STPG2: variants seen among roughly 807,000 people sequenced by gnomAD.
The protein encoded by STPG2 is sperm tail PG-rich repeat containing 2.
STPG2 carries 56 observed loss-of-function variants against 54.2 expected under a neutral mutation model. The observed-to-expected ratio is 1.03, with a 90% CI of 0.83 to 1.29. The LOEUF (loss-of-function observed/expected upper bound fraction) is 1.29. STPG2 is among the 50% of genes most tolerant of loss of function. STPG2 has a pLI of 0.00. For synonymous variants in STPG2, 200 were observed against 181.8 expected, an observed-to-expected ratio of 1.10 and a Z score of -0.81; for missense variants, 596 against 544.9, an observed-to-expected ratio of 1.09 and a Z score of -0.93.
intron 5 of STPG2, among the ~76,000 whole-genome samples, chr4:98,077,034 T>C (rs1325115936): frequency 6.6e-6 from 1 of 152,192 alleles, no homozygotes; most frequent in Non-Finnish European, 1.5e-5. Flanking sequence ...ATTCCTGATG[T>C]CCTTTCAGAT....
chr4:98,018,476 A>T (rs1025346861), intron 5 of STPG2, among the ~76,000 whole-genome samples: 3 of 152,200 alleles, frequency 2.0e-5, no homozygotes, highest in African/African-American at 7.2e-5. Context: ...CACAATAAAC[A>T]TACGTGTGCA....
chr4:97,657,953 CA>C (rs1228443956), intron 10 of STPG2, among the ~76,000 whole-genome samples: 1 of 152,118 alleles, frequency 6.6e-6, no homozygotes, highest in East Asian at 1.9e-4. Flanking sequence ...GAAACATGGT[CA>C]AAACTGCTCC....
intron 4 of STPG2, among the ~76,000 whole-genome samples, chr4:97,482,279 G>T (rs188034426): frequency 6.6e-6 from 1 of 151,416 alleles, no homozygotes; most frequent in East Asian, 1.9e-4. Context: ...AAAGATATTG[G>T]TCTCTTGTTT....
intron 10 of STPG2, among the ~76,000 whole-genome samples, chr4:97,649,820 CA>C (rs1157156571): frequency 2.6e-5 from 4 of 152,074 alleles, no homozygotes; most frequent in African/African-American, 7.2e-5. Context: ...TTCCACAGAC[CA>C]GGGGGGACGG....
chr4:97,663,450 C>T (rs1234596277), intron 10 of STPG2, among the ~76,000 whole-genome samples: 1 of 151,934 alleles, frequency 6.6e-6, no homozygotes, highest in Non-Finnish European at 1.5e-5. Context: ...AGAAAATAGC[C>T]AACAATTGTG....
intron 8 of STPG2, among the ~76,000 whole-genome samples, chr4:97,908,540 A>G (rs1473134184): frequency 3.9e-5 from 6 of 152,104 alleles, no homozygotes; most frequent in African/African-American, 1.4e-4. Context: ...ATTATAAATC[A>G]TGCTGCTATA....
chr4:97,972,097 TA>T (rs1734347649), intron 7 of STPG2, among the ~76,000 whole-genome samples, 182 bp downstream of exon 7: 1 of 152,244 alleles, frequency 6.6e-6, no homozygotes, highest in Non-Finnish European at 1.5e-5. Flanking sequence ...TTGTGTTTTT[TA>T]TTTCTGCCAT....
At chr4:97,933,713 T>C (rs2149221102) in intron 8 of STPG2, among the ~76,000 whole-genome samples, 1 of 152,296 alleles carries the variant, frequency 6.6e-6, no homozygotes, top group South Asian at 2.1e-4. Context: ...TTCTGTTCCG[T>C]TGATCTATGT....
chr4:97,985,968 A>T (rs180711087), intron 5 of STPG2, among the ~76,000 whole-genome samples: 7,408 of 143,964 alleles, frequency 0.051, 319 homozygotes, highest in South Asian at 0.18. Context: ...ACACACACAC[A>T]CATACACACA....
At chr4:97,990,501 A>G (rs1376278890) in intron 5 of STPG2, among the ~76,000 whole-genome samples, 2 of 152,176 alleles carry the variant, frequency 1.3e-5, no homozygotes, top group Admixed American at 1.3e-4. Flanking sequence ...ATATCAACCT[A>G]TTAAATACAT....
intron 10 of STPG2, among the ~76,000 whole-genome samples, chr4:97,568,278 A>T (rs150664583): frequency 6.6e-6 from 1 of 152,250 alleles, no homozygotes; most frequent in East Asian, 1.9e-4. Context: ...ACCATCCTGA[A>T]ACTTTTTTTG....
rs189731187 is a variant in STPG2, at chr4:98,034,526, A to G, written c.613-53208T>C. Among the ~76,000 whole-genome samples the G allele has an allele frequency of 2.6e-5, 4 of 152,306 alleles. No homozygotes were observed. In the East Asian group the frequency reaches 7.7e-4, roughly 29 times the overall value. On this transcript the variant is annotated intron_variant, in intron 5 of 10. Coordinates refer to ENST00000295268, the MANE Select transcript of STPG2 (RefSeq NM_174952.3). Reference sequence around the variant, plus strand: ...ATTGTGAAAACAGCCATCCTGCCCAAAGTAATTCATAGATTCAATGCTATC... The same window carrying G: ...ATTGTGAAAACAGCCATCCTGCCCAGAGTAATTCATAGATTCAATGCTATC...
intron 10 of STPG2, among the ~76,000 whole-genome samples, chr4:97,605,567 TTAAA>T (rs1733572388): frequency 6.6e-6 from 1 of 151,716 alleles, no homozygotes; most frequent in Non-Finnish European, 1.5e-5. Context: ...ATTTTAACAA[TTAAA>T]TTAATAATTG....
chr4:97,500,581 G>A (rs1730702963), intron 4 of STPG2, among the ~76,000 whole-genome samples: 1 of 152,016 alleles, frequency 6.6e-6, no homozygotes, highest in Admixed American at 6.6e-5. Flanking sequence ...GGGCCTAAGA[G>A]CATTACAGCT....
At chr4:97,797,869 G>T (rs936800117) in intron 9 of STPG2, among the ~76,000 whole-genome samples, 1 of 152,198 alleles carries the variant, frequency 6.6e-6, no homozygotes, top group Non-Finnish European at 1.5e-5. Context: ...TTCAGAGCCT[G>T]TTATTGGTCT....
intron 9 of STPG2, among the ~76,000 whole-genome samples, chr4:97,831,041 A>G (rs578030125): frequency 1.6e-4 from 25 of 152,322 alleles, no homozygotes; most frequent in Non-Finnish European, 2.2e-4. Flanking sequence ...CATTTACAGA[A>G]CTGTCCACCC....
intron 9 of STPG2, among the ~76,000 whole-genome samples, chr4:97,798,433 G>A (rs1022986840): frequency 1.3e-5 from 2 of 151,992 alleles, no homozygotes; most frequent in Non-Finnish European, 2.9e-5. Flanking sequence ...ACTTCATTTC[G>A]TTATGAACCC....
At chr4:97,970,756 A>C (rs1734297050) in intron 7 of STPG2, among the ~76,000 whole-genome samples, 1 of 152,264 alleles carries the variant, frequency 6.6e-6, no homozygotes, top group South Asian at 2.1e-4. Flanking sequence ...ATGGGCAAGG[A>C]CTTCATGTCT....
chr4:97,629,166 G>A (rs1174265117), intron 10 of STPG2, among the ~76,000 whole-genome samples: 1 of 151,776 alleles, frequency 6.6e-6, no homozygotes, highest in Non-Finnish European at 1.5e-5. Flanking sequence ...ATAATAATAA[G>A]AGTAATAGTA....
Sources: gnomAD v4.1 joint callset for allele counts (sites outside exome capture counted in the v4.1 genomes callset) on GRCh38, gnomAD v4.1.1 for gene constraint, MANE v1.5 for transcripts, NCBI Gene and HGNC (gene_info 2026-07-23, HGNC 2026-07-21) for gene names.